Variants in FSTL5 observed in about 807,000 individuals in gnomAD.
The protein encoded by FSTL5 is follistatin like 5.
FSTL5 carries 62 observed loss-of-function variants against 89.1 expected under a neutral mutation model. That is an observed-to-expected ratio of 0.70 (90% CI 0.57 to 0.86). The LOEUF (loss-of-function observed/expected upper bound fraction) is 0.86, where lower values mean the gene tolerates loss of function less well. Among genes scored for constraint, FSTL5 ranks in the 40% least tolerant of loss-of-function variants. The pLI is 0.00. For synonymous variants in FSTL5, 383 were observed against 346.2 expected (o/e 1.11, Z -1.18); for missense variants, 1,057 against 1,001.6 (o/e 1.06, Z -0.75).
At chr4:161,432,792 AC>A (rs1203144784) in intron 15 of FSTL5, among the ~76,000 whole-genome samples, 1 of 152,008 alleles carries the variant, frequency 6.6e-6, no homozygotes, top group Non-Finnish European at 1.5e-5. Flanking sequence ...ATTGGGGGTT[AC>A]TGTGAGCAAC....
intron 4 of FSTL5, among the ~76,000 whole-genome samples, chr4:161,895,394 T>C (rs905784689): frequency 7.2e-5 from 11 of 152,216 alleles, no homozygotes; most frequent in African/African-American, 2.7e-4. Flanking sequence ...ATTTAACTGA[T>C]GTGCTCAATT....
intron 7 of FSTL5, among the ~76,000 whole-genome samples, chr4:161,652,402 A>C (rs1049611786): frequency 6.6e-6 from 1 of 152,110 alleles, no homozygotes; most frequent in African/African-American, 2.4e-5. Context: ...ACCACTACAC[A>C]CCAGCCTGTA....
intron 2 of FSTL5, among the ~76,000 whole-genome samples, chr4:162,051,683 G>T (rs1432546018): frequency 6.6e-6 from 1 of 151,418 alleles, no homozygotes; most frequent in Non-Finnish European, 1.5e-5. Context: ...TCAATAGGCT[G>T]CTGAGAGTAG....
At chr4:162,027,514 C>T (rs1737341379) in intron 3 of FSTL5, among the ~76,000 whole-genome samples, 1 of 151,948 alleles carries the variant, frequency 6.6e-6, no homozygotes, top group Non-Finnish European at 1.5e-5. Context: ...CAACGTTTTA[C>T]TATTTTTATT....
At chr4:162,116,275 G>C (rs565251616) in intron 1 of FSTL5, among the ~76,000 whole-genome samples, 222 of 152,322 alleles carry the variant, frequency 1.5e-3, no homozygotes, top group African/African-American at 5.2e-3. Flanking sequence ...TTTTATGGGA[G>C]CTGTATGTGA....
chr4:161,938,825 T>A (rs1734501398), intron 3 of FSTL5, among the ~76,000 whole-genome samples: 1 of 152,038 alleles, frequency 6.6e-6, no homozygotes, highest in South Asian at 2.1e-4. Flanking sequence ...TATTTTAAAC[T>A]TTTCTGTATA....
At chr4:161,519,149 G>T (rs61670345) in intron 10 of FSTL5, among the ~76,000 whole-genome samples, 40,538 of 152,120 alleles carry the variant, frequency 0.27, 6,581 homozygotes, top group Non-Finnish European at 0.38. Context: ...CTTTATGTGT[G>T]ATAGAGACAT....
At chr4:161,654,623 C>T (rs980977586) in intron 7 of FSTL5, among the ~76,000 whole-genome samples, 4 of 152,050 alleles carry the variant, frequency 2.6e-5, no homozygotes, top group African/African-American at 9.7e-5. Flanking sequence ...TTGATATATT[C>T]TGGGACATTA....
At chr4:161,745,558 T>C (rs1224433784) in intron 6 of FSTL5, among the ~76,000 whole-genome samples, 1 of 152,052 alleles carries the variant, frequency 6.6e-6, no homozygotes, top group Non-Finnish European at 1.5e-5. Flanking sequence ...AATTACACAG[T>C]TTTAGTTGAC....
At chr4:161,907,978 G>C (rs1733583610) in intron 4 of FSTL5, among the ~76,000 whole-genome samples, 2 of 151,948 alleles carry the variant, frequency 1.3e-5, no homozygotes, top group South Asian at 4.1e-4. Flanking sequence ...GGATGTCCAT[G>C]AATAATGATT....
At position 161,853,459 on chromosome 4, in the gene FSTL5, G is replaced by C. The variant is rs528702130; in HGVS notation, c.409+66945C>G. ...ATTTTTGTATTTTTAGTAGGAACAG[G>C]GTTTCATCATGTTGGCCAGGCTTGT... On this transcript the variant is annotated intron_variant, in intron 4 of 15. Coordinates refer to ENST00000306100, the MANE Select transcript of FSTL5 (RefSeq NM_020116.5). Among the ~76,000 whole-genome samples the C allele has an allele frequency of 1.4e-3, 213 of 152,118 alleles. 3 individuals carry two copies. The highest frequency in any genetic ancestry group is 5.0e-3 in the African/African-American group (207 of 41,510).
chr4:161,558,829 T>C (rs2126567588), intron 8 of FSTL5, among the ~76,000 whole-genome samples: 2 of 152,012 alleles, frequency 1.3e-5, no homozygotes, highest in Middle Eastern at 6.8e-3. Context: ...GACTTTTCAC[T>C]CTAACTCATT....
At chr4:161,725,906 T>C (rs1739383510) in intron 6 of FSTL5, among the ~76,000 whole-genome samples, 1 of 152,214 alleles carries the variant, frequency 6.6e-6, no homozygotes, top group South Asian at 2.1e-4. Context: ...GCTATTACTT[T>C]TAACGATGAA....
intron 3 of FSTL5, among the ~76,000 whole-genome samples, chr4:161,922,349 T>C (rs1241576597): frequency 6.6e-6 from 1 of 152,054 alleles, no homozygotes; most frequent in African/African-American, 2.4e-5. Flanking sequence ...TGAAATAATC[T>C]GTATAATAAA....
chr4:161,761,708 T>G (rs2126791388), intron 5 of FSTL5, among the ~76,000 whole-genome samples: 1 of 152,346 alleles, frequency 6.6e-6, no homozygotes, highest in East Asian at 1.9e-4. Context: ...ATGATACAAC[T>G]TAAGCTGGGC....
intron 4 of FSTL5, among the ~76,000 whole-genome samples, chr4:161,786,304 G>A (rs773565128): frequency 2.6e-5 from 4 of 152,098 alleles, no homozygotes; most frequent in Non-Finnish European, 2.9e-5. Context: ...TTACACTGGG[G>A]AGAAATATCT....
At chr4:161,417,378 GT>G (rs1204425563) in intron 15 of FSTL5, among the ~76,000 whole-genome samples, 1 of 152,138 alleles carries the variant, frequency 6.6e-6, no homozygotes, top group Middle Eastern at 3.2e-3. Context: ...AAAATGATTT[GT>G]ATGTATTATT....
intron 3 of FSTL5, among the ~76,000 whole-genome samples, chr4:161,935,056 T>C (rs1370487580): frequency 6.6e-6 from 1 of 152,168 alleles, no homozygotes; most frequent in Non-Finnish European, 1.5e-5. Flanking sequence ...AATTTACTTT[T>C]AAATCTCATA....
At chr4:161,605,880 G>C (rs1182781456) in intron 7 of FSTL5, among the ~76,000 whole-genome samples, 1 of 150,212 alleles carries the variant, frequency 6.7e-6, no homozygotes, top group East Asian at 1.9e-4. Flanking sequence ...TATGTGCTGC[G>C]CTGTGTTAAT....
Sources: gnomAD v4.1 joint callset for allele counts (sites outside exome capture counted in the v4.1 genomes callset) on GRCh38, gnomAD v4.1.1 for gene constraint, MANE v1.5 for transcripts, NCBI Gene and HGNC (gene_info 2026-07-23, HGNC 2026-07-21) for gene names.